The following UBE2F variants were observed in gnomAD, a reference collection of about 807,000 sequenced individuals.
UBE2F encodes the protein ubiquitin conjugating enzyme E2 F (putative).
A neutral mutation model predicts 29.6 loss-of-function variants in UBE2F; 5 were observed. The observed-to-expected ratio is 0.17, with a 90% CI of 0.09 to 0.36. UBE2F has a LOEUF of 0.36. Ranked by LOEUF, UBE2F falls within the 10% of genes least tolerant of loss-of-function variation. UBE2F has a pLI of 1.00. For synonymous variants in UBE2F, 66 were observed against 81.8 expected (o/e 0.81, Z 1.04); for missense variants, 141 against 228.5 (o/e 0.62, Z 2.47).
chr2:238,010,034 G>T (rs2063986034), intron 4 of UBE2F, among the ~76,000 whole-genome samples: 2 of 151,860 alleles, frequency 1.3e-5, no homozygotes, highest in South Asian at 4.2e-4. Flanking sequence ...TTTTCTCCTG[G>T]CACTCATGTT....
intron 4 of UBE2F, among the ~76,000 whole-genome samples, chr2:237,998,944 CTT>C (rs1186637146): frequency 2.6e-5 from 4 of 152,100 alleles, no homozygotes; most frequent in African/African-American, 4.8e-5. Flanking sequence ...CCTAAAAAAA[CTT>C]TTTATTTTGT....
In UBE2F at chr2:238,040,416, G is replaced by A. The variant is rs562022531; in HGVS notation, c.508-872G>A. On this transcript the variant is annotated intron_variant, in intron 9 of 9. Coordinates refer to ENST00000272930, the MANE Select transcript of UBE2F (RefSeq NM_080678.3). This position sits in a 1 kb window ranked among gnomAD's most constrained non-coding sequence, Gnocchi z 4.4. Reference sequence around the variant, plus strand: ...ACTGAGGCTTAGCTAAGGAAATGGAGCTCATGCCCACTAAGAACTATGGTA... The same window carrying A: ...ACTGAGGCTTAGCTAAGGAAATGGAACTCATGCCCACTAAGAACTATGGTA... 6.6e-6 allele frequency among the ~76,000 whole-genome samples: 1 copy of A among 152,326 alleles called. No homozygotes were observed. The highest frequency in any genetic ancestry group is 6.5e-5 in the Admixed American group (1 of 15,304).
chr2:238,035,624 C>T (rs2064690706), intron 8 of UBE2F: 3 of 396,728 alleles, frequency 7.6e-6, no homozygotes, highest in Non-Finnish European at 1.4e-5. Flanking sequence ...TCCATCTTCA[C>T]CAAACTTTGT....
intron 6 of UBE2F, among the ~76,000 whole-genome samples, chr2:238,026,905 A>G (rs1469361024): frequency 2.0e-5 from 3 of 152,172 alleles, no homozygotes; most frequent in East Asian, 3.9e-4. Context: ...TCCTTTACGT[A>G]TTGAAACATT....
chr2:238,004,083 G>A (rs569650146), intron 4 of UBE2F, among the ~76,000 whole-genome samples: 7 of 152,252 alleles, frequency 4.6e-5, no homozygotes, highest in Admixed American at 4.6e-4. Flanking sequence ...TGTGTTTATT[G>A]TTATTTCAGT....
intron 4 of UBE2F, among the ~76,000 whole-genome samples, chr2:237,997,628 C>A (rs2063716667): frequency 6.6e-6 from 1 of 152,156 alleles, no homozygotes; most frequent in Non-Finnish European, 1.5e-5. Flanking sequence ...GGAGCTAGGG[C>A]TGAAAACTCA....
chr2:237,970,472 T>G (rs1359344631), intron 1 of UBE2F, among the ~76,000 whole-genome samples: 1 of 152,188 alleles, frequency 6.6e-6, no homozygotes, highest in Admixed American at 6.5e-5. Flanking sequence ...GCAGCCTACC[T>G]TCTGGGCCTC....
At chr2:238,036,794 G>A (rs961285097) in intron 9 of UBE2F, among the ~76,000 whole-genome samples, 1 of 152,150 alleles carries the variant, frequency 6.6e-6, no homozygotes, top group African/African-American at 2.4e-5. Context: ...ATTCCAGCCT[G>A]GGTGACAGAA....
intron 4 of UBE2F, among the ~76,000 whole-genome samples, chr2:237,995,219 C>T (rs1424698171): frequency 1.3e-5 from 2 of 152,158 alleles, no homozygotes; most frequent in African/African-American, 4.8e-5. Flanking sequence ...TCTCATAGGA[C>T]AGTTGTGGGG....
At chr2:238,038,619 T>A (rs2064772503) in intron 9 of UBE2F, among the ~76,000 whole-genome samples, 1 of 152,256 alleles carries the variant, frequency 6.6e-6, no homozygotes, top group South Asian at 2.1e-4. Flanking sequence ...TTTCTTTGTA[T>A]GAAACAAGAT....
At chr2:237,971,203 A>G (rs914185494) in intron 1 of UBE2F, among the ~76,000 whole-genome samples, 1 of 152,254 alleles carries the variant, frequency 6.6e-6, no homozygotes, top group Admixed American at 6.5e-5. Context: ...GCTTAGGTCA[A>G]GCTTTTCACA....
At chr2:238,037,433 A>G (rs2064736885) in intron 9 of UBE2F, among the ~76,000 whole-genome samples, 1 of 152,276 alleles carries the variant, frequency 6.6e-6, no homozygotes, top group Non-Finnish European at 1.5e-5. Context: ...AGTGCAAAGC[A>G]CATGGAGCAG....
At chr2:237,981,774 A>G (rs763609748) in intron 2 of UBE2F, among the ~76,000 whole-genome samples, 7 of 151,794 alleles carry the variant, frequency 4.6e-5, no homozygotes, top group Non-Finnish European at 1.0e-4. Flanking sequence ...GTACAGGTGC[A>G]TGCCACCATG....
At position 237,967,047 on chromosome 2, in the gene UBE2F, T is replaced by A. The variant is rs1373261869; in HGVS notation, c.-102T>A. ...TCCCGCCGCCGGGAGCCGGTGCGGC[T>A]GTGAGGGGCCGCGTCTCGCAGCAGC... On this transcript the variant is annotated 5_prime_UTR_variant, in exon 1 of 10. Transcript: ENST00000272930. The surrounding 1 kb of genome is among the most constrained non-coding windows in gnomAD (Gnocchi z 6.3). The A allele has an allele frequency of 7.6e-7, 1 of 1,310,200 alleles. No individual in the cohort carries two copies. Among genetic ancestry groups the A allele is most frequent in the African/African-American group, 1.5e-5 (1 of 64,526 alleles). 81.2% of individuals were successfully genotyped at this position (1,310,200 alleles called of 1,614,324 possible). A position where few individuals can be genotyped will look rare whatever the true frequency, so the allele number is the denominator to read the frequency against.
intron 6 of UBE2F, among the ~76,000 whole-genome samples, chr2:238,027,933 T>C (rs2064472383): frequency 6.6e-6 from 1 of 152,236 alleles, no homozygotes; most frequent in Non-Finnish European, 1.5e-5. Flanking sequence ...CTTCGCCTGC[T>C]CTGGCACAAG....
intron 9 of UBE2F, among the ~76,000 whole-genome samples, chr2:238,036,789 A>G (rs553101176): frequency 2.8e-4 from 42 of 152,296 alleles, no homozygotes; most frequent in African/African-American, 9.9e-4. Flanking sequence ...ACTGCATTCC[A>G]GCCTGGGTGA....
At position 238,022,175 on chromosome 2, in the gene UBE2F, C is replaced by CTTTTTTTTTTTTTTTTTTTTTTT. The variant is rs1162304454; in HGVS notation, c.283-3156_283-3155insTTTTTTTTTTTTTTTTTTTTTTT. On this transcript the variant is annotated intron_variant, in intron 5 of 9. Coordinates refer to ENST00000272930, the MANE Select transcript of UBE2F (RefSeq NM_080678.3). ...ATTTCTTTTTCTTTTCTTTTCTTTT[C>CTTTTTTTTTTTTTTTTTTTTTTT]TTTTTTTTTTTGGAGACAGAGTCTT... Among the ~76,000 whole-genome samples, 102 of 63,268 alleles carry CTTTTTTTTTTTTTTTTTTTTTTT rather than the reference C, an allele frequency of 1.6e-3. 2 individuals carry two copies. The highest frequency in any genetic ancestry group is 4.5e-3 in the East Asian group (3 of 674). The allele number at this position is 63,268 out of a possible 152,430, so 41.5% of individuals were successfully genotyped here.
intron 7 of UBE2F, among the ~76,000 whole-genome samples, chr2:238,031,309 G>A (rs1291296046): frequency 5.3e-5 from 8 of 152,196 alleles, no homozygotes; most frequent in Admixed American, 2.0e-4. Context: ...TGCTCCCCTG[G>A]GGCTCAGATG....
intron 4 of UBE2F, among the ~76,000 whole-genome samples, chr2:238,000,569 G>A (rs1049765049): frequency 2.6e-5 from 4 of 152,312 alleles, no homozygotes; most frequent in African/African-American, 9.6e-5. Flanking sequence ...ACCAGTGGAC[G>A]AACCTTTGTG....
Sources: gnomAD v4.1 joint callset for allele counts (sites outside exome capture counted in the v4.1 genomes callset) on GRCh38, gnomAD v4.1.1 for gene constraint, Gnocchi (gnomAD v3.1) non-coding constraint, MANE v1.5 for transcripts, NCBI Gene and HGNC (gene_info 2026-07-23, HGNC 2026-07-21) for gene names.